The following ANO4 variants were observed in gnomAD, a reference collection of about 807,000 sequenced individuals.
ANO4 encodes the protein anoctamin 4.
A neutral mutation model predicts 141.9 loss-of-function variants in ANO4; 69 were observed. The ratio of observed to expected loss-of-function variants is 0.49; its 90% confidence interval spans 0.40 to 0.59. ANO4 has a LOEUF of 0.59. ANO4 is among the 20% of genes least tolerant of loss of function. The pLI is 0.00. For missense variants in ANO4, 894 were observed against 1,162.2 expected (o/e 0.77, Z 3.36); for synonymous variants, 350 against 394.3 (o/e 0.89, Z 1.33).
rs768446998 is a variant in ANO4 at position 101,127,079 on chromosome 12, G to A, written c.*4+5G>A. ...ACAACGAGTGGCCGTGACCATGTAG[G>A]TGAGAGGTGTGCTCAGCGTCTGAGG... On this transcript the variant is annotated splice_donor_5th_base_variant and intron_variant, in intron 27 of 27. Coordinates refer to ENST00000392977, the MANE Select transcript of ANO4 (RefSeq NM_001286615.2). 155 of 1,609,312 alleles carry A rather than the reference G, an allele frequency of 9.6e-5. 1 individual carries two copies. Among genetic ancestry groups the A allele is most frequent in the Admixed American group, 7.8e-4 (46 of 59,318 alleles).
chr12:100,997,338 A>C (rs1219901195), intron 8 of ANO4, among the ~76,000 whole-genome samples: 1 of 151,120 alleles, frequency 6.6e-6, no homozygotes, highest in African/African-American at 2.4e-5. Flanking sequence ...TCTCAAAAAA[A>C]AAAAAAAAAA....
Position 101,014,817 on chromosome 12 carries a change from G to A in ANO4, c.735-5217G>A, listed in dbSNP as rs140406991. Among the ~76,000 whole-genome samples the A allele has an allele frequency of 2.1e-3, 315 of 152,178 alleles. 2 individuals are homozygous for A. The highest frequency in any genetic ancestry group is 7.0e-3 in the African/African-American group (292 of 41,542). On this transcript the variant is annotated intron_variant, in intron 8 of 27. Transcript: ENST00000392977. ...GAACAGAAATGTGCTTTCCTTTTAAGTTTTCTTTTTAAAAATATTTTCAAA... is the reference window on the plus strand; with the variant it reads ...GAACAGAAATGTGCTTTCCTTTTAAATTTTCTTTTTAAAAATATTTTCAAA...
intron 11 of ANO4, among the ~76,000 whole-genome samples, chr12:101,041,818 G>C (rs1339374492): frequency 6.6e-6 from 1 of 152,212 alleles, no homozygotes; most frequent in African/African-American, 2.4e-5. Context: ...GGAGAGCTGA[G>C]CCCTGAAGAA....
intron 1 of ANO4, among the ~76,000 whole-genome samples, chr12:100,824,408 G>A (rs1464049955): frequency 6.6e-6 from 1 of 151,944 alleles, no homozygotes. Flanking sequence ...TAAAAAGACA[G>A]CATTGCAAAT....
At chr12:100,779,494 A>C (rs1465395517) in intron 3 of ANO4, among the ~76,000 whole-genome samples, 5 of 152,210 alleles carry the variant, frequency 3.3e-5, no homozygotes, top group African/African-American at 7.2e-5. Context: ...TGATTCTACC[A>C]TGGCAGCTGT....
chr12:100,786,012 C>G (rs2033863717), intron 3 of ANO4, among the ~76,000 whole-genome samples: 1 of 152,174 alleles, frequency 6.6e-6, no homozygotes, highest in African/African-American at 2.4e-5. Context: ...GCTCATTCTG[C>G]TTTCTCCTCT....
intron 3 of ANO4, among the ~76,000 whole-genome samples, chr12:100,781,942 A>G (rs1164599306): frequency 1.3e-5 from 2 of 152,236 alleles, no homozygotes; most frequent in Non-Finnish European, 2.9e-5. Context: ...GTTTGTGTGC[A>G]GCTTGATCAG....
rs528826481 is a variant in ANO4 at position 100,784,614 on chromosome 12, A to G, written c.358+44509A>G. On this transcript the variant is annotated intron_variant, in intron 3 of 29. Transcript: ENST00000644049. ...TGCAGTTTTTCTCCTCTGCTAACATAGTTCCTGTTTTAGCCCTAGACAGAA... is the reference window on the plus strand; with the variant it reads ...TGCAGTTTTTCTCCTCTGCTAACATGGTTCCTGTTTTAGCCCTAGACAGAA... Among the ~76,000 whole-genome samples, 4 of 152,322 alleles carry G rather than the reference A, an allele frequency of 2.6e-5. No individual in the cohort carries two copies. The South Asian group carries it at 8.3e-4, about 32-fold the overall frequency.
At chr12:100,944,174 GCA>G (rs1361940995) in intron 5 of ANO4, among the ~76,000 whole-genome samples, 1 of 152,046 alleles carries the variant, frequency 6.6e-6, no homozygotes, top group Non-Finnish European at 1.5e-5. Flanking sequence ...TCCAAATAGC[GCA>G]CATTAAAGTG....
At chr12:100,834,965 A>G (rs1168495893) in intron 1 of ANO4, among the ~76,000 whole-genome samples, 1 of 152,140 alleles carries the variant, frequency 6.6e-6, no homozygotes, top group African/African-American at 2.4e-5. Context: ...GGAATGAAGG[A>G]GAAGGAAAGT....
At chr12:100,993,597 A>G (rs1010222350) in intron 8 of ANO4, among the ~76,000 whole-genome samples, 1 of 152,080 alleles carries the variant, frequency 6.6e-6, no homozygotes, top group South Asian at 2.1e-4. Flanking sequence ...GGAAGGAGGC[A>G]TATGTCTCTG....
At chr12:100,795,484 T>C (rs2034251147) in intron 1 of ANO4, among the ~76,000 whole-genome samples, 1 of 152,174 alleles carries the variant, frequency 6.6e-6, no homozygotes, top group Non-Finnish European at 1.5e-5. Flanking sequence ...TGAGTTATGT[T>C]GAGTCTGCTG....
intron 3 of ANO4, among the ~76,000 whole-genome samples, chr12:100,759,149 A>G (rs1003082171): frequency 6.6e-6 from 1 of 152,196 alleles, no homozygotes; most frequent in African/African-American, 2.4e-5. Context: ...GGTGTTTTAC[A>G]CAGAGACACA....
At chr12:100,853,726 A>C (rs2038010897) in intron 1 of ANO4, among the ~76,000 whole-genome samples, 1 of 152,166 alleles carries the variant, frequency 6.6e-6, no homozygotes, top group Non-Finnish European at 1.5e-5. Flanking sequence ...TGTTGACTGA[A>C]GTATGCATAA....
Position 101,043,541 on chromosome 12 carries a change from A to G in ANO4, c.1157A>G (p.Lys386Arg). 1 of 1,611,942 alleles carries G rather than the reference A, an allele frequency of 6.2e-7. No homozygotes were observed. Among genetic ancestry groups the G allele is most frequent in the Non-Finnish European group, 8.5e-7 (1 of 1,178,246 alleles). ...VTTLDHSQVS[K>R]EVCQATDIIM... ...GTCCTTTCTGTTCTCTTTTCCAGTA[A>G]AGAAGTCTGCCAAGCTACAGATATC... is the stretch of plus-strand genomic sequence containing the variant. The change falls in exon 13 of 28, where the codon AAA (lysine) becomes AGA (arginine). Residue 386 changes from lysine (K) to arginine (R), a missense_variant and splice_region_variant. Lys to Arg is a conservative substitution (Grantham distance 26). Coordinates refer to ENST00000392977, the MANE Select transcript of ANO4 (RefSeq NM_001286615.2).
intron 14 of ANO4, among the ~76,000 whole-genome samples, chr12:101,064,579 T>G (rs972032523): frequency 1.3e-5 from 2 of 151,916 alleles, no homozygotes; most frequent in African/African-American, 4.8e-5. Context: ...GATGGGTTAT[T>G]GGGTGCAACA....
intron 5 of ANO4, among the ~76,000 whole-genome samples, chr12:100,952,701 T>A (rs2043019433): frequency 6.6e-6 from 1 of 152,176 alleles, no homozygotes; most frequent in African/African-American, 2.4e-5. Context: ...ATCAAATTGA[T>A]GATGGTTTGA....
chr12:101,013,798 T>TA (rs1350967305), intron 8 of ANO4, among the ~76,000 whole-genome samples: 1 of 152,222 alleles, frequency 6.6e-6, no homozygotes, highest in East Asian at 1.9e-4. Flanking sequence ...AAATTTCTAT[T>TA]AAACAGTGCT....
chr12:100,942,671 G>A (rs1490689735), intron 5 of ANO4, 136 bp downstream of exon 5: 1 of 919,126 alleles, frequency 1.1e-6, no homozygotes, highest in Non-Finnish European at 1.5e-6. Flanking sequence ...CAGAGTTTGG[G>A]GAATGTTCCA....
Sources: allele counts gnomAD v4.1 joint callset (sites outside exome capture counted in the v4.1 genomes callset), GRCh38; gene constraint gnomAD v4.1.1; transcripts MANE v1.5; gene names NCBI Gene and HGNC (gene_info 2026-07-23, HGNC 2026-07-21).